Variants in ALS2CL observed in about 807,000 individuals in gnomAD.
The protein encoded by ALS2CL is ALS2 C-terminal-like protein.
A neutral mutation model predicts 127.9 loss-of-function variants in ALS2CL; 112 were observed. That is an observed-to-expected ratio of 0.88 (90% CI 0.75 to 1.02). The LOEUF (loss-of-function observed/expected upper bound fraction) is 1.02, where lower values mean the gene tolerates loss of function less well. Ranked by LOEUF, ALS2CL falls within the 50% of genes least tolerant of loss-of-function variation. The probability of loss-of-function intolerance (pLI) is 0.00; values close to 1 mark genes in which losing one functional copy is unlikely to be tolerated. For missense variants in ALS2CL, 1,174 were observed against 1,236.7 expected, an observed-to-expected ratio of 0.95 and a Z score of 0.76; for synonymous variants, 519 against 527.6, an observed-to-expected ratio of 0.98 and a Z score of 0.22.
At chr3:46,691,580 C>T (rs1700156714) in intron 1 of ALS2CL, among the ~76,000 whole-genome samples, 2 of 152,134 alleles carry the variant, frequency 1.3e-5, no homozygotes. Context: ...GAGCAGCCCT[C>T]ACCTGGCTGC....
At chr3:46,676,621 C>T (rs376440518) in intron 18 of ALS2CL, 21 bp downstream of exon 18, 35 of 1,610,220 alleles carry the variant, frequency 2.2e-5, no homozygotes, top group Non-Finnish European at 2.4e-5. Context: ...ACCCCCTTGG[C>T]CACCCCAGCA....
At position 46,689,404 on chromosome 3, in the gene ALS2CL, C is replaced by T. The variant is rs1401654502; in HGVS notation, c.37G>A (p.Glu13Lys). ...GCGAGGGTGGCTGAGAAGACCTCCT[C>T]CAGCCGCAGCAGAGCTGCCTCCTCA... ...NPEEAALLRL[E>K]EVFSATLAHV... The change falls in exon 2 of 26, where the codon GAG becomes AAG. Residue 13 changes from glutamate (E) to lysine (K), a missense_variant. By Grantham distance (56) the Glu-to-Lys change is moderately conservative. Transcript: ENST00000318962. 6.2e-7 allele frequency: 1 copy of T among 1,612,102 alleles called. No individual in the cohort carries two copies. Among genetic ancestry groups the T allele is most frequent in the East Asian group, 2.2e-5 (1 of 44,834 alleles).
intron 19 of ALS2CL, 21 bp from the exon 20 acceptor site, chr3:46,675,707 A>G (rs752748054): frequency 1.9e-6 from 3 of 1,612,986 alleles, no homozygotes; most frequent in African/African-American, 2.7e-5. Flanking sequence ...ATGAGAGAGA[A>G]ATGGTGTGGC....
intron 21 of ALS2CL, among the ~76,000 whole-genome samples, chr3:46,673,929 G>T (rs572800719): frequency 6.6e-6 from 1 of 152,204 alleles, no homozygotes; most frequent in Non-Finnish European, 1.5e-5. Flanking sequence ...GACAGTGCCC[G>T]TGCCCTCTAC....
chr3:46,691,680 A>G (rs1700162424), intron 1 of ALS2CL, among the ~76,000 whole-genome samples: 1 of 150,778 alleles, frequency 6.6e-6, no homozygotes, highest in Non-Finnish European at 1.5e-5. Flanking sequence ...CAACCAGATC[A>G]CAGCATTTTT....
Position 46,688,002 on chromosome 3 carries a change from C to A in ALS2CL, c.302+96G>T, listed in dbSNP as rs1699910570. ...ACTGAGCCCAAACCTTTGCTTGAAC[C>A]CTGACCCATGTGAGCCCCAACCCCA... is the stretch of plus-strand genomic sequence containing the variant. On this transcript the variant is annotated intron_variant, in intron 3 of 25. Coordinates refer to ENST00000318962, the MANE Select transcript of ALS2CL (RefSeq NM_147129.5). 4.1e-6 allele frequency: 6 copies of A among 1,447,574 alleles called. No homozygotes were observed. In the Admixed American group the frequency reaches 5.7e-5, roughly 14 times the overall value. 89.7% of individuals were successfully genotyped at this position (1,447,574 alleles called of 1,614,324 possible). A position where few individuals can be genotyped will look rare whatever the true frequency, so the allele number is the denominator to read the frequency against.
chr3:46,687,580 C>T (rs754661371), intron 4 of ALS2CL, 39 bp downstream of exon 4: 4 of 1,607,378 alleles, frequency 2.5e-6, no homozygotes, highest in Non-Finnish European at 3.4e-6. Context: ...TCAGGCACTC[C>T]CACCCTGTCA....
chr3:46,675,035 A>C, intron 20 of ALS2CL: 1 of 304,636 alleles, frequency 3.3e-6, no homozygotes, highest in Non-Finnish European at 6.0e-6. Context: ...CTTGCAGCTG[A>C]GCTCTCAGCA....
Position 46,676,975 on chromosome 3 carries a change from A to G in ALS2CL, c.1805T>C (p.Val602Ala), listed in dbSNP as rs1172915487. Residue 602 changes from valine (V) to alanine (A), a missense_variant, in exon 17 of 26, where the codon GTC becomes GCC. Transcript: ENST00000318962. ...CACAAAGTCCCGGAAGGGGCTGTAG[A>G]CTCCCTGCCAGCGGCTTTCCACGGG... ...AFPVESRWQG[V>A]YSPFRDFVCA... 2 of 1,612,042 alleles carry G rather than the reference A, an allele frequency of 1.2e-6. No individual in the cohort carries two copies. Among genetic ancestry groups the G allele is most frequent in the South Asian group, 2.2e-5 (2 of 90,952 alleles).
In ALS2CL at chr3:46,683,185, G is replaced by A. The variant is rs140783506; in HGVS notation, c.1054C>T (p.Arg352Trp). 2.3e-4 allele frequency: 371 copies of A among 1,604,802 alleles called. 5 individuals carry two copies. In the South Asian group the frequency reaches 2.5e-3, roughly 11 times the overall value. ...CAEYTFQAEG[R>W]LCQATYEGEW... ...CCCTCGTAGGTGGCCTGGCAGAGCC[G>A]GCCCTCTGCCTGGAAGGTATATTCT... Residue 352 changes from arginine to tryptophan, a missense_variant, in exon 10 of 26, where the codon CGG becomes TGG. By Grantham distance (101) the Arg-to-Trp change is moderately radical. Coordinates refer to ENST00000318962, the MANE Select transcript of ALS2CL (RefSeq NM_147129.5).
chr3:46,681,973 G>A lies in ALS2CL; in HGVS notation c.1175+56C>T, dbSNP rs890477493. 6.3e-7 allele frequency: 1 copy of A among 1,588,388 alleles called. No homozygotes were observed. The highest frequency in any genetic ancestry group is 8.6e-7 in the Non-Finnish European group (1 of 1,162,118). Reference sequence around the variant, plus strand: ...CGGGCTGGTGACCACAGCAGGGGAGGAAAGCACCCTTCAGCCCACTGCACG... The same window carrying A: ...CGGGCTGGTGACCACAGCAGGGGAGAAAAGCACCCTTCAGCCCACTGCACG... On this transcript the variant is annotated intron_variant, in intron 11 of 25. Coordinates refer to ENST00000318962, the MANE Select transcript of ALS2CL (RefSeq NM_147129.5). This position sits in a 1 kb window ranked among gnomAD's most constrained non-coding sequence, Gnocchi z 4.9.
chr3:46,684,724 G>A (rs997279503), intron 7 of ALS2CL, among the ~76,000 whole-genome samples: 3 of 152,206 alleles, frequency 2.0e-5, no homozygotes, highest in East Asian at 3.8e-4. Context: ...AAGGTCCAGC[G>A]TCAGGAGAGG....
chr3:46,683,786 C>T lies in ALS2CL; in HGVS notation c.908G>A (p.Gly303Asp), dbSNP rs1352535226. ...TCACAGCTCACCCACACTCACCTGG[C>T]CCTGGGAGTCCTTGGCACAAAAGGA... ...EFSFCAKDSQ[G>D]QAVWQWKVTW... The change falls in exon 9 of 26, where the codon GGC becomes GAC. Residue 303 changes from glycine to aspartate, a missense_variant. By Grantham distance (94) the Gly-to-Asp change is moderately conservative. Coordinates refer to ENST00000318962, the MANE Select transcript of ALS2CL (RefSeq NM_147129.5). 1 of 1,614,130 alleles carries T rather than the reference C, an allele frequency of 6.2e-7. No homozygotes were observed. Among genetic ancestry groups the T allele is most frequent in the South Asian group, 1.1e-5 (1 of 91,078 alleles).
chr3:46,688,557 C>G (rs1040035243), intron 2 of ALS2CL, among the ~76,000 whole-genome samples: 6 of 152,180 alleles, frequency 3.9e-5, no homozygotes, highest in African/African-American at 1.4e-4. Flanking sequence ...ACAGGGACAA[C>G]CCTGACAGCC....
At chr3:46,680,789 A>G (rs1575427972) in intron 13 of ALS2CL, 1 of 556,986 alleles carries the variant, frequency 1.8e-6, no homozygotes, top group Non-Finnish European at 3.2e-6. Flanking sequence ...GGACAGGGGG[A>G]ATAGGAGTGT....
Position 46,686,522 on chromosome 3 carries a change from G to T in ALS2CL, c.535-83C>A. 2 of 1,529,714 alleles carry T rather than the reference G, an allele frequency of 1.3e-6. No homozygotes were observed. The highest frequency in any genetic ancestry group is 1.8e-6 in the Non-Finnish European group (2 of 1,133,896). 94.8% of individuals were successfully genotyped at this position (1,529,714 alleles called of 1,614,324 possible). ...AGTCCTGGTCCCGGCTGGTGGGGAG[G>T]CCTGAATCTAGGCCAGACCTTGCCC... On this transcript the variant is annotated intron_variant, in intron 5 of 25. Coordinates refer to ENST00000318962, the MANE Select transcript of ALS2CL (RefSeq NM_147129.5). This position sits in a 1 kb window ranked among gnomAD's most constrained non-coding sequence, Gnocchi z 4.3.
chr3:46,689,353 G>A lies in ALS2CL; in HGVS notation c.88C>T (p.Pro30Ser), dbSNP rs1239835153. 1 of 1,612,940 alleles carries A rather than the reference G, an allele frequency of 6.2e-7. No individual in the cohort carries two copies. The highest frequency in any genetic ancestry group is 2.2e-5 in the East Asian group (1 of 44,876). ...LAHVNSLVLQ[P>S]LLPAAPDPSD... ...CTAGACTCACCGGCTGGGAGCAGGG[G>A]CTGGAGGACAAGGCTGTTGACATGG... is the stretch of plus-strand genomic sequence containing the variant. Residue 30 changes from proline (P) to serine (S), a missense_variant, in exon 2 of 26, where the codon CCC becomes TCC. Coordinates refer to ENST00000318962, the MANE Select transcript of ALS2CL (RefSeq NM_147129.5).
At position 46,676,396 on chromosome 3, in the gene ALS2CL, T is replaced by G. The variant is rs755712570; in HGVS notation, c.2035A>C (p.Ser679Arg). The G allele has an allele frequency of 6.2e-7, 1 of 1,613,798 alleles. No individual in the cohort carries two copies. Among genetic ancestry groups the G allele is most frequent in the South Asian group, 1.1e-5 (1 of 91,074 alleles). ...ALQLYLRKAL[S>R]NSLHPLGKLL... ...TTTCCCAGGGGGTGCAGTGAGTTGC[T>G]CAGAGCCTGGGCCAGTGCATAGGCA... The change falls in exon 19 of 26, where the codon AGC becomes CGC. Residue 679 changes from serine to arginine, a missense_variant. Transcript: ENST00000318962.
chr3:46,683,466 A>G (rs904279384), intron 9 of ALS2CL, 140 bp from the exon 10 acceptor site: 1 of 901,604 alleles, frequency 1.1e-6, no homozygotes, highest in Non-Finnish European at 1.7e-6. Flanking sequence ...GGACCCTTCA[A>G]CTGCTTCTTG....
Sources: gnomAD v4.1 joint callset for allele counts (sites outside exome capture counted in the v4.1 genomes callset) on GRCh38, gnomAD v4.1.1 for gene constraint, Gnocchi (gnomAD v3.1) non-coding constraint, MANE v1.5 for transcripts, NCBI Gene and HGNC (gene_info 2026-07-23, HGNC 2026-07-21) for gene names.